Variants in CCSER1 observed in about 807,000 individuals in gnomAD.
CCSER1 encodes coiled-coil serine rich protein 1.
Under a neutral mutation model 82.0 loss-of-function variants are expected in CCSER1, and 41 were observed. The observed-to-expected ratio is 0.50, with a 90% CI of 0.39 to 0.65. The LOEUF is 0.65. Among genes scored for constraint, CCSER1 ranks in the 30% least tolerant of loss-of-function variants. The pLI, the probability that CCSER1 is intolerant of heterozygous loss-of-function variation, is 0.00. For synonymous variants in CCSER1, 414 were observed against 383.9 expected (o/e 1.08, Z -0.92); for missense variants, 1,119 against 1,064.2 (o/e 1.05, Z -0.72).
At chr4:91,158,779 C>T (rs1005823927) in intron 10 of CCSER1, among the ~76,000 whole-genome samples, 1 of 151,920 alleles carries the variant, frequency 6.6e-6, no homozygotes, top group Non-Finnish European at 1.5e-5. Context: ...GGAACAGTGA[C>T]TTCCTTATTT....
chr4:91,414,067 G>A (rs1395722000), intron 10 of CCSER1, among the ~76,000 whole-genome samples: 1 of 152,204 alleles, frequency 6.6e-6, no homozygotes, highest in Admixed American at 6.6e-5. Context: ...GAAACAAAAT[G>A]CTGCTAAGTA....
At chr4:90,313,452 A>G (rs1187357136) in intron 3 of CCSER1, among the ~76,000 whole-genome samples, 7 of 152,188 alleles carry the variant, frequency 4.6e-5, no homozygotes, top group Non-Finnish European at 1.0e-4. Context: ...TAGTCCCTGT[A>G]GACCCTATCC....
chr4:90,792,368 G>A (rs949360291), intron 7 of CCSER1, among the ~76,000 whole-genome samples: 4 of 152,094 alleles, frequency 2.6e-5, no homozygotes, highest in Non-Finnish European at 5.9e-5. Flanking sequence ...ACTCTCCTTT[G>A]TTATCATATA....
chr4:90,399,109 C>T (rs1030022374), intron 3 of CCSER1, among the ~76,000 whole-genome samples: 2 of 152,010 alleles, frequency 1.3e-5, no homozygotes, highest in African/African-American at 4.8e-5. Flanking sequence ...TTTGTTATTT[C>T]ATTGTTAGTC....
At chr4:90,550,316 G>A (rs1270456467) in intron 5 of CCSER1, among the ~76,000 whole-genome samples, 1 of 152,060 alleles carries the variant, frequency 6.6e-6, no homozygotes, top group Non-Finnish European at 1.5e-5. Flanking sequence ...TATTGAACAT[G>A]GAAATTCTCT....
chr4:91,597,764 T>C (rs1764651737), intron 10 of CCSER1, among the ~76,000 whole-genome samples: 2 of 144,172 alleles, frequency 1.4e-5, no homozygotes, highest in Non-Finnish European at 3.0e-5. Context: ...AATCCTTCAT[T>C]TTTTGCATGC....
intron 4 of CCSER1, among the ~76,000 whole-genome samples, chr4:90,431,869 T>C (rs1758316879): frequency 6.6e-6 from 1 of 152,126 alleles, no homozygotes; most frequent in African/African-American, 2.4e-5. Flanking sequence ...TCATCAGTCC[T>C]TCCACTAGCC....
chr4:90,704,492 C>T (rs1245006288), intron 6 of CCSER1, among the ~76,000 whole-genome samples: 1 of 152,146 alleles, frequency 6.6e-6, no homozygotes, highest in Non-Finnish European at 1.5e-5. Context: ...GTGGCGTTCT[C>T]TGCATTTCCT....
intron 10 of CCSER1, among the ~76,000 whole-genome samples, chr4:91,321,306 G>C (rs1479275441): frequency 2.6e-5 from 4 of 152,072 alleles, no homozygotes; most frequent in African/African-American, 4.8e-5. Flanking sequence ...CTATGAATGA[G>C]AGAGGACCTA....
rs572418979 is a variant in CCSER1 at position 91,578,665 on chromosome 4, C to T, written c.2218-19907C>T. On this transcript the variant is annotated intron_variant, in intron 10 of 10. Transcript: ENST00000509176. ...CTTTTCTTTTCTGAGAAACACTGCA[C>T]GCTGATGGTTAAAATGTGCTTAATA... 1.4e-4 allele frequency among the ~76,000 whole-genome samples: 21 copies of T among 152,024 alleles called. 1 individual carries two copies. In the South Asian group the frequency reaches 3.3e-3, roughly 24 times the overall value.
At chr4:91,393,204 T>C (rs1751767967) in intron 10 of CCSER1, among the ~76,000 whole-genome samples, 1 of 152,086 alleles carries the variant, frequency 6.6e-6, no homozygotes, top group Non-Finnish European at 1.5e-5. Flanking sequence ...AAATATGCAG[T>C]AAATAACACA....
At chr4:90,486,702 T>C (rs1380895687) in intron 5 of CCSER1, among the ~76,000 whole-genome samples, 2 of 152,222 alleles carry the variant, frequency 1.3e-5, no homozygotes, top group African/African-American at 2.4e-5. Flanking sequence ...ATTTTCCTCT[T>C]GATACATAGA....
intron 10 of CCSER1, among the ~76,000 whole-genome samples, chr4:91,313,828 A>C (rs1193537579): frequency 6.6e-6 from 1 of 151,954 alleles, no homozygotes; most frequent in African/African-American, 2.4e-5. Flanking sequence ...GGCTGGATAA[A>C]GCTACAGAGA....
intron 7 of CCSER1, among the ~76,000 whole-genome samples, chr4:90,809,646 T>C (rs547572449): frequency 6.6e-6 from 1 of 151,990 alleles, no homozygotes; most frequent in African/African-American, 2.4e-5. Context: ...AATTCATCCA[T>C]GTAACCAAAA....
At chr4:91,500,983 T>C (rs1389133134) in intron 10 of CCSER1, among the ~76,000 whole-genome samples, 1 of 151,886 alleles carries the variant, frequency 6.6e-6, no homozygotes, top group African/African-American at 2.4e-5. Flanking sequence ...ACCTTTTATG[T>C]TTTTTCTACT....
At chr4:90,576,099 T>G (rs368529385) in intron 5 of CCSER1, among the ~76,000 whole-genome samples, 1 of 152,234 alleles carries the variant, frequency 6.6e-6, no homozygotes, top group Non-Finnish European at 1.5e-5. Flanking sequence ...TCGTTTTGCT[T>G]ACTAGATTGA....
chr4:90,363,565 T>G (rs1338263047), intron 3 of CCSER1, among the ~76,000 whole-genome samples: 1 of 151,562 alleles, frequency 6.6e-6, no homozygotes, highest in Non-Finnish European at 1.5e-5. Flanking sequence ...GCAACTTGGC[T>G]GCCTACCATG....
At chr4:91,527,360 T>A (rs543350229) in intron 10 of CCSER1, among the ~76,000 whole-genome samples, 1 of 152,206 alleles carries the variant, frequency 6.6e-6, no homozygotes, top group African/African-American at 2.4e-5. Context: ...TCACTACTGA[T>A]AGTAGAAGTC....
intron 10 of CCSER1, among the ~76,000 whole-genome samples, chr4:91,566,165 T>C (rs1008858573): frequency 6.6e-6 from 1 of 152,158 alleles, no homozygotes; most frequent in Admixed American, 6.6e-5. Flanking sequence ...TTTTTGTCTT[T>C]AGTTCTGTTG....
Sources: gnomAD v4.1 joint callset for allele counts (sites outside exome capture counted in the v4.1 genomes callset) on GRCh38, gnomAD v4.1.1 for gene constraint, MANE v1.5 for transcripts, NCBI Gene and HGNC (gene_info 2026-07-23, HGNC 2026-07-21) for gene names.